Variants in RNF123 observed in about 807,000 individuals in gnomAD.
The protein encoded by RNF123 is E3 ubiquitin-protein ligase RNF123.
In RNF123, 86 loss-of-function variants were observed where a neutral mutation model predicts 168.5. The observed-to-expected ratio is 0.51, with a 90% CI of 0.43 to 0.61. The LOEUF is 0.61. RNF123 is among the 20% of genes least tolerant of loss of function. RNF123 has a pLI of 0.00. For synonymous variants in RNF123, 666 were observed against 689.1 expected (o/e 0.97, Z 0.52); for missense variants, 1,419 against 1,729.7 (o/e 0.82, Z 3.19).
intron 19 of RNF123, 33 bp downstream of exon 19, chr3:49,702,438 C>A (rs968457096): frequency 6.2e-7 from 1 of 1,610,842 alleles, no homozygotes; most frequent in African/African-American, 1.3e-5. Context: ...CACTGTGGAT[C>A]CCCGGCTGCA....
chr3:49,719,027 G>A (rs1270157727), intron 35 of RNF123: 1 of 1,613,884 alleles, frequency 6.2e-7, no homozygotes, highest in South Asian at 1.1e-5. Flanking sequence ...TCGTCCAAGT[G>A]CACCAAGCGG....
intron 24 of RNF123, 139 bp from the exon 25 acceptor site, chr3:49,705,843 C>T (rs577469019): frequency 6.4e-6 from 9 of 1,416,534 alleles, no homozygotes; most frequent in Middle Eastern, 1.8e-4. Context: ...CTCAGTCTGA[C>T]CTGCTGACTG....
At position 49,697,359 on chromosome 3, in the gene RNF123, T is replaced by A. The variant is rs2054289476; in HGVS notation, c.248-4T>A. On this transcript the variant is annotated splice_polypyrimidine_tract_variant and splice_region_variant and intron_variant, in intron 4 of 38. Transcript: ENST00000327697. ...CTGCCTGACCCCACCTCTCCTCTTTTCAGGACAGGTTGAAGGGCGGCTTGG... is the reference window on the plus strand; with the variant it reads ...CTGCCTGACCCCACCTCTCCTCTTTACAGGACAGGTTGAAGGGCGGCTTGG... The A allele has an allele frequency of 6.2e-7, 1 of 1,607,280 alleles. No homozygotes were observed. Among genetic ancestry groups the A allele is most frequent in the Non-Finnish European group, 8.5e-7 (1 of 1,175,590 alleles).
rs764905124 is a variant in RNF123, at chr3:49,697,958, G to A, written c.397+19G>A. 5 of 1,614,064 alleles carry A rather than the reference G, an allele frequency of 3.1e-6. No individual in the cohort carries two copies. The African/African-American group carries it at 5.3e-5, about 17-fold the overall frequency. ...TACAAAGGTGAGACCTTACCCTGCTGTGGCCTAGGTAGTGAGGAGAAAGTT... is the reference window on the plus strand; with the variant it reads ...TACAAAGGTGAGACCTTACCCTGCTATGGCCTAGGTAGTGAGGAGAAAGTT... On this transcript the variant is annotated intron_variant, in intron 6 of 38. Transcript: ENST00000327697.
At chr3:49,719,469 G>T (rs929352486) in intron 35 of RNF123, 3 of 1,609,124 alleles carry the variant, frequency 1.9e-6, no homozygotes, top group Non-Finnish European at 2.5e-6. Flanking sequence ...AGGTCATGGC[G>T]GCGACCACCA....
chr3:49,719,824 G>A (rs1466153698), intron 35 of RNF123: 5 of 242,676 alleles, frequency 2.1e-5, no homozygotes, highest in Non-Finnish European at 3.4e-5. Flanking sequence ...GGGGAGCAAG[G>A]CCAACCCCAA....
In RNF123 at chr3:49,716,175, C is replaced by T. The variant is rs780987546; in HGVS notation, c.3413C>T (p.Pro1138Leu). The stretch of plus-strand genomic sequence containing the variant: ...GATCGTGTGGTCACCCTACGGCTGC[C>T]TGGTGAGGACCTAGATGCCCTGCAC... ...LFDRVVTLRL[P>L]GLESVDHYPI... The change falls in exon 34 of 39, where the codon CCT (proline) becomes CTT (leucine). Residue 1138 changes from proline to leucine, a missense_variant and splice_region_variant. Pro to Leu is a moderately conservative substitution (Grantham distance 98). Coordinates refer to ENST00000327697, the MANE Select transcript of RNF123 (RefSeq NM_022064.5). 1 of 1,613,526 alleles carries T rather than the reference C, an allele frequency of 6.2e-7. No homozygotes were observed. Among genetic ancestry groups the T allele is most frequent in the Non-Finnish European group, 8.5e-7 (1 of 1,179,822 alleles).
intron 21 of RNF123, 44 bp from the exon 22 acceptor site, chr3:49,704,606 T>A: frequency 6.5e-7 from 1 of 1,529,608 alleles, no homozygotes; most frequent in Non-Finnish European, 8.9e-7. Context: ...CTGTGGCCCC[T>A]TGCGCCACCA....
Position 49,702,764 on chromosome 3 carries a change from C to T in RNF123, c.1750+11C>T. On this transcript the variant is annotated intron_variant, in intron 20 of 38. Transcript: ENST00000327697. Reference sequence around the variant, plus strand: ...CTTCCTTCAGTGAGGGTGAGTGGCACCGGGGTCCCAGGTCAGTGAGGCTGG... The same window carrying T: ...CTTCCTTCAGTGAGGGTGAGTGGCATCGGGGTCCCAGGTCAGTGAGGCTGG... 6.2e-7 allele frequency: 1 copy of T among 1,614,024 alleles called. No homozygotes were observed. The highest frequency in any genetic ancestry group is 8.5e-7 in the Non-Finnish European group (1 of 1,179,902).
chr3:49,692,822 C>T (rs944599729), intron 3 of RNF123, among the ~76,000 whole-genome samples: 1 of 152,064 alleles, frequency 6.6e-6, no homozygotes, highest in African/African-American at 2.4e-5. Context: ...TTTTTATGGC[C>T]GAATAGTACT....
At chr3:49,693,562 G>A (rs777872253) in intron 3 of RNF123, among the ~76,000 whole-genome samples, 3 of 151,270 alleles carry the variant, frequency 2.0e-5, no homozygotes, top group Non-Finnish European at 2.9e-5. Flanking sequence ...TCGCCATGTT[G>A]GCCAGGCTGG....
chr3:49,715,514 C>T (rs546002047), intron 31 of RNF123, 61 bp from the exon 32 acceptor site: 2 of 1,602,500 alleles, frequency 1.2e-6, no homozygotes, highest in Non-Finnish European at 1.7e-6. Context: ...AGGACAGAGG[C>T]AAACAGGCAG....
At chr3:49,718,418 A>G in intron 35 of RNF123, 1 of 1,613,018 alleles carries the variant, frequency 6.2e-7, no homozygotes, top group Non-Finnish European at 8.5e-7. Flanking sequence ...AGGCACACGA[A>G]GAGTCCCGCA....
intron 31 of RNF123, among the ~76,000 whole-genome samples, chr3:49,714,420 G>A (rs910545164): frequency 1.3e-5 from 2 of 152,188 alleles, no homozygotes; most frequent in African/African-American, 4.8e-5. Context: ...CTTTGGGCCT[G>A]GATGCTCTAT....
chr3:49,720,984 C>CCAA, intron 37 of RNF123, 36 bp from the exon 38 acceptor site: 2 of 1,608,290 alleles, frequency 1.2e-6, no homozygotes, highest in East Asian at 2.2e-5. Flanking sequence ...AGCCAGGCAT[C>CCAA]CAACTCCAGC....
At chr3:49,717,604 A>G in intron 35 of RNF123, 1 of 360,746 alleles carries the variant, frequency 2.8e-6, no homozygotes, top group Non-Finnish European at 5.1e-6. Flanking sequence ...AGAAGAACAC[A>G]GCCACTTCCA....
intron 35 of RNF123, chr3:49,717,824 C>T: frequency 9.7e-7 from 1 of 1,029,670 alleles, no homozygotes; most frequent in Non-Finnish European, 1.4e-6. Context: ...TGTTTCGAGG[C>T]CCATACAGGA....
At chr3:49,711,738 C>A (rs953509191) in intron 26 of RNF123, among the ~76,000 whole-genome samples, 7 of 152,120 alleles carry the variant, frequency 4.6e-5, no homozygotes, top group Admixed American at 2.0e-4. Flanking sequence ...GAGACCCTGA[C>A]ATAGACTTTG....
chr3:49,716,731 C>A (rs1421840296), intron 35 of RNF123: 1 of 482,296 alleles, frequency 2.1e-6, no homozygotes, highest in Non-Finnish European at 3.8e-6. Flanking sequence ...GTGGCCATGC[C>A]TCAGGCCAGG....
Sources: gnomAD v4.1 joint callset for allele counts (sites outside exome capture counted in the v4.1 genomes callset) on GRCh38, gnomAD v4.1.1 for gene constraint, MANE v1.5 for transcripts, NCBI Gene and HGNC (gene_info 2026-07-23, HGNC 2026-07-21) for gene names.